CNTN1: variants seen among roughly 807,000 people sequenced by gnomAD.
The protein encoded by CNTN1 is contactin 1.
A neutral mutation model predicts 126.4 loss-of-function variants in CNTN1; 38 were observed. That is an observed-to-expected ratio of 0.30 (90% CI 0.23 to 0.39). The LOEUF is 0.39. Ranked by LOEUF, CNTN1 falls within the 10% of genes least tolerant of loss-of-function variation. CNTN1 has a pLI of 1.00. For missense variants in CNTN1, 1,009 were observed against 1,248.4 expected (o/e 0.81, Z 2.89); for synonymous variants, 413 against 422.6 (o/e 0.98, Z 0.28).
intron 2 of CNTN1, among the ~76,000 whole-genome samples, chr12:40,909,704 C>A (rs1254972798): frequency 1.3e-5 from 2 of 151,356 alleles, no homozygotes; most frequent in East Asian, 3.9e-4. Context: ...TAATTATGCA[C>A]ACACACCCAC....
chr12:40,703,233 G>C (rs946066834), intron 1 of CNTN1, among the ~76,000 whole-genome samples: 2 of 152,042 alleles, frequency 1.3e-5, no homozygotes, highest in Non-Finnish European at 2.9e-5. Flanking sequence ...AAGCATAGCT[G>C]TGTGCTAAAG....
At chr12:40,774,131 A>G (rs902865489) in intron 1 of CNTN1, among the ~76,000 whole-genome samples, 1 of 151,660 alleles carries the variant, frequency 6.6e-6, no homozygotes, top group East Asian at 1.9e-4. Flanking sequence ...AGATTGTAAG[A>G]TAACATAATA....
chr12:40,781,196 T>C (rs1057008040), intron 1 of CNTN1, among the ~76,000 whole-genome samples: 16 of 152,020 alleles, frequency 1.1e-4, no homozygotes, highest in Non-Finnish European at 2.2e-4. Flanking sequence ...TTTGCACAGA[T>C]AGGTAAAGTG....
chr12:41,071,242 T>C lies in CNTN1; in HGVS notation c.*1207T>C, dbSNP rs910121021. The C allele has an allele frequency of 6.6e-6, 1 of 152,136 alleles. No individual in the cohort carries two copies. Among genetic ancestry groups the C allele is most frequent in the African/African-American group, 2.4e-5 (1 of 41,440 alleles). 9.4% of individuals were successfully genotyped at this position (152,136 alleles called of 1,614,324 possible). On this transcript the variant is annotated 3_prime_UTR_variant, in exon 24 of 24. Coordinates refer to ENST00000551295, the MANE Select transcript of CNTN1 (RefSeq NM_001843.4). ...GGAGGCAAATAATATGTCTTTCCGA[T>C]GGTGTCTCCCAAGTGTTGGTGCTTT...
chr12:40,886,025 G>A (rs986536152), intron 1 of CNTN1, among the ~76,000 whole-genome samples: 1 of 151,990 alleles, frequency 6.6e-6, no homozygotes, highest in African/African-American at 2.4e-5. Context: ...GAAAACTATA[G>A]TTTAGTTTAT....
chr12:41,056,914 T>TATAAA (rs200389933), intron 23 of CNTN1, among the ~76,000 whole-genome samples: 2,259 of 73,298 alleles, frequency 0.031, 199 homozygotes, highest in Admixed American at 0.056. Context: ...TTATAAATAT[T>TATAAA]TATAATATTT....
intron 1 of CNTN1, among the ~76,000 whole-genome samples, chr12:40,851,155 A>C (rs973934574): frequency 6.6e-6 from 1 of 152,194 alleles, no homozygotes; most frequent in Non-Finnish European, 1.5e-5. Context: ...TAGTGGTAGT[A>C]ATTGGGACTC....
chr12:41,062,195 A>G (rs1430460954), intron 23 of CNTN1, among the ~76,000 whole-genome samples: 2 of 152,206 alleles, frequency 1.3e-5, no homozygotes, highest in African/African-American at 4.8e-5. Flanking sequence ...TAATGCTTAT[A>G]ATAATCTAAA....
chr12:40,836,300 T>C (rs1942059189), intron 1 of CNTN1, among the ~76,000 whole-genome samples: 1 of 148,934 alleles, frequency 6.7e-6, no homozygotes, highest in Admixed American at 6.7e-5. Context: ...TATATGTGTA[T>C]ATATATATAA....
intron 1 of CNTN1, among the ~76,000 whole-genome samples, chr12:40,853,613 G>A (rs1942797915): frequency 6.6e-6 from 1 of 151,870 alleles, no homozygotes; most frequent in Admixed American, 6.6e-5. Context: ...ATAAACAAGT[G>A]ATATACAAGA....
intron 1 of CNTN1, among the ~76,000 whole-genome samples, chr12:40,717,718 AG>A (rs1441363893): frequency 1.3e-5 from 2 of 152,198 alleles, no homozygotes; most frequent in Non-Finnish European, 2.9e-5. Flanking sequence ...GCATTGGTTA[AG>A]TTGAAGCTTT....
chr12:41,008,563 T>C (rs1265968000), intron 17 of CNTN1, among the ~76,000 whole-genome samples: 1 of 152,182 alleles, frequency 6.6e-6, no homozygotes, highest in Non-Finnish European at 1.5e-5. Flanking sequence ...GCTAAATCTT[T>C]CCTGCAATTA....
chr12:41,015,056 G>GA (rs1250072640), intron 18 of CNTN1, among the ~76,000 whole-genome samples: 1 of 152,032 alleles, frequency 6.6e-6, no homozygotes, highest in Admixed American at 6.6e-5. Flanking sequence ...GAAGACTGTG[G>GA]AAAAAATGAC....
chr12:40,853,767 C>T (rs1942803075), intron 1 of CNTN1, among the ~76,000 whole-genome samples: 1 of 151,606 alleles, frequency 6.6e-6, no homozygotes, highest in Non-Finnish European at 1.5e-5. Context: ...TAGTCTAGCT[C>T]CCTCTCTAGC....
At chr12:40,807,241 C>A (rs1940893593) in intron 1 of CNTN1, among the ~76,000 whole-genome samples, 1 of 152,040 alleles carries the variant, frequency 6.6e-6, no homozygotes, top group Non-Finnish European at 1.5e-5. Flanking sequence ...CTGACATATA[C>A]TTGCAAGAAA....
At chr12:40,841,237 G>A (rs1214285309) in intron 1 of CNTN1, among the ~76,000 whole-genome samples, 5 of 151,858 alleles carry the variant, frequency 3.3e-5, no homozygotes, top group Admixed American at 2.0e-4. Context: ...TAAATCAGGA[G>A]GTAGAAAACC....
chr12:40,841,737 C>T (rs1217943432), intron 1 of CNTN1, among the ~76,000 whole-genome samples: 1 of 151,846 alleles, frequency 6.6e-6, no homozygotes, highest in Non-Finnish European at 1.5e-5. Context: ...CCCTTTATGA[C>T]AACAACTCTC....
Position 41,048,006 on chromosome 12 carries a change from TA to T in CNTN1, c.2980+18790del, listed in dbSNP as rs1338797868. Among the ~76,000 whole-genome samples the T allele has an allele frequency of 3.9e-5, 6 of 152,106 alleles. No individual in the cohort carries two copies. In the East Asian group the frequency reaches 5.8e-4, roughly 15 times the overall value. On this transcript the variant is annotated intron_variant, in intron 23 of 23. Transcript: ENST00000551295. ...ATCCTCACTCTTTCCATATCCAGCT[TA>T]AATCCCACAGCCATATAATATAATT...
chr12:40,872,571 CTTTTT>C (rs35866838), intron 1 of CNTN1, among the ~76,000 whole-genome samples: 1 of 108,638 alleles, frequency 9.2e-6, no homozygotes, highest in African/African-American at 3.6e-5. Context: ...TTTTTTCTTT[CTTTTT>C]TTTTTTTTTT....
Sources: allele counts gnomAD v4.1 joint callset (sites outside exome capture counted in the v4.1 genomes callset), GRCh38; gene constraint gnomAD v4.1.1; transcripts MANE v1.5; gene names NCBI Gene and HGNC (gene_info 2026-07-23, HGNC 2026-07-21).